Variants in RFX4 observed in about 807,000 individuals in gnomAD.
The protein encoded by RFX4 is regulatory factor X4, also known as transcription factor RFX4.
In RFX4, 10 loss-of-function variants were observed where a neutral mutation model predicts 95.0. The ratio of observed to expected loss-of-function variants is 0.11; its 90% CI spans 0.06 to 0.18. The LOEUF (loss-of-function observed/expected upper bound fraction) is 0.18. RFX4 is among the 10% of genes least tolerant of loss of function. The probability of loss-of-function intolerance (pLI) is 1.00; values close to 1 mark genes in which losing one functional copy is unlikely to be tolerated. For missense variants in RFX4, 640 were observed against 922.0 expected (o/e 0.69, Z 3.96); for synonymous variants, 321 against 340.7 (o/e 0.94, Z 0.64).
At chr12:106,623,543 ATGTTGTGTGGTTCAC>A (rs2040228618) in intron 2 of RFX4, among the ~76,000 whole-genome samples, 1 of 151,862 alleles carries the variant, frequency 6.6e-6, no homozygotes, top group Non-Finnish European at 1.5e-5. Context: ...GAAGGCAGAA[ATGTTGTGTGGTTCAC>A]TGTTGTAACC....
intron 13 of RFX4, among the ~76,000 whole-genome samples, chr12:106,726,580 T>C (rs962686663): frequency 6.6e-6 from 1 of 152,250 alleles, no homozygotes; most frequent in Non-Finnish European, 1.5e-5. Flanking sequence ...TCCTTGAAGA[T>C]TCTCTTCTCA....
chr12:106,604,243 C>A (rs1389835764), intron 1 of RFX4, among the ~76,000 whole-genome samples: 2 of 151,650 alleles, frequency 1.3e-5, no homozygotes, highest in African/African-American at 4.8e-5. Flanking sequence ...GCCTCAGCCT[C>A]CTGCGTAGCT....
chr12:106,671,958 G>A (rs1488101013), intron 4 of RFX4, among the ~76,000 whole-genome samples: 3 of 151,994 alleles, frequency 2.0e-5, no homozygotes, highest in Admixed American at 1.3e-4. Flanking sequence ...CACCACACCC[G>A]GCCTCCAGTG....
intron 17 of RFX4, among the ~76,000 whole-genome samples, chr12:106,754,650 T>C (rs545035414): frequency 1.3e-5 from 2 of 152,320 alleles, no homozygotes; most frequent in Admixed American, 1.3e-4. Context: ...GAGGTCCTGC[T>C]CTGGAAGCCA....
At chr12:106,704,171 T>C (rs1475715233) in intron 8 of RFX4, among the ~76,000 whole-genome samples, 2 of 144,700 alleles carry the variant, frequency 1.4e-5, no homozygotes, top group Admixed American at 1.4e-4. Flanking sequence ...AAAACCACAA[T>C]ATTCATTCAT....
rs1455630293 is a variant in RFX4, at chr12:106,586,847, C to G, written c.43+3484C>G. Among the ~76,000 whole-genome samples the G allele has an allele frequency of 6.6e-6, 1 of 152,262 alleles. No homozygotes were observed. The highest frequency in any genetic ancestry group is 2.4e-5 in the African/African-American group (1 of 41,478). ...CTGGAGGGAACAGGGCCCGAGCCTC[C>G]TCCATTCTTGCCCAGGCACAGCCCT... On this transcript the variant is annotated intron_variant, in intron 1 of 17. Coordinates refer to ENST00000392842, the MANE Select transcript of RFX4 (RefSeq NM_213594.3). The surrounding 1 kb of genome is among the most constrained non-coding windows in gnomAD (Gnocchi z 5.6).
rs189663171 is a variant in RFX4 at position 106,672,390 on chromosome 12, G to A, written c.316-9603G>A. ...GCCCAGGCTGAAAGAGAGAAGGGTG[G>A]GATTCATGAGTAATTAAAGGGAATT... On this transcript the variant is annotated intron_variant, in intron 4 of 17. Coordinates refer to ENST00000392842, the MANE Select transcript of RFX4 (RefSeq NM_213594.3). 4.2e-3 allele frequency among the ~76,000 whole-genome samples: 642 copies of A among 152,254 alleles called. 4 individuals are homozygous for A. Among genetic ancestry groups the A allele is most frequent in the African/African-American group, 0.015 (624 of 41,550 alleles).
chr12:106,616,990 G>A (rs1221284228), intron 2 of RFX4, among the ~76,000 whole-genome samples: 4 of 151,554 alleles, frequency 2.6e-5, no homozygotes, highest in African/African-American at 9.7e-5. Flanking sequence ...GGTTGGTCTC[G>A]AACTCCTGGC....
At chr12:106,678,523 G>C (rs1417727788) in intron 4 of RFX4, among the ~76,000 whole-genome samples, 1 of 152,208 alleles carries the variant, frequency 6.6e-6, no homozygotes, top group Non-Finnish European at 1.5e-5. Context: ...CACTCTGGTA[G>C]ATTTTAGGTG....
At chr12:106,760,450 C>T (rs1176108924) in intron 17 of RFX4, among the ~76,000 whole-genome samples, 2 of 152,156 alleles carry the variant, frequency 1.3e-5, no homozygotes. Flanking sequence ...GCTACTAACA[C>T]CTGTTCCTCT....
intron 15 of RFX4, among the ~76,000 whole-genome samples, chr12:106,737,488 G>A (rs1028858661): frequency 3.3e-5 from 5 of 151,498 alleles, no homozygotes; most frequent in African/African-American, 1.2e-4. Context: ...TGAAGGAGAG[G>A]GGAGAAAAGG....
intron 8 of RFX4, among the ~76,000 whole-genome samples, chr12:106,703,658 CA>C (rs1306507605): frequency 6.6e-6 from 1 of 152,196 alleles, no homozygotes; most frequent in East Asian, 1.9e-4. Flanking sequence ...CACACATACA[CA>C]TGGCATTTGC....
intron 17 of RFX4, among the ~76,000 whole-genome samples, chr12:106,751,941 A>G (rs1371953956): frequency 2.0e-4 from 28 of 141,488 alleles, no homozygotes; most frequent in Admixed American, 2.8e-4. Context: ...CTTTAGTTTA[A>G]TTAGATCCCA....
At chr12:106,645,346 C>T (rs117867847) in intron 3 of RFX4, among the ~76,000 whole-genome samples, 2,835 of 151,764 alleles carry the variant, frequency 0.019, 51 homozygotes, top group Non-Finnish European at 0.026. Flanking sequence ...ACACATGCCC[C>T]CTCCGTGCCC....
chr12:106,654,509 C>G (rs1295544146), intron 4 of RFX4, among the ~76,000 whole-genome samples, 158 bp downstream of exon 4: 3 of 152,170 alleles, frequency 2.0e-5, no homozygotes, highest in African/African-American at 4.8e-5. Context: ...ACTTTGCTAT[C>G]AAAATTTCAA....
intron 10 of RFX4, chr12:106,715,113 G>A: frequency 7.2e-6 from 2 of 279,566 alleles, no homozygotes; most frequent in Non-Finnish European, 6.9e-6. Flanking sequence ...TGTTCCATGG[G>A]GTCAAGACCA....
At chr12:106,655,217 C>G (rs1314867481) in intron 4 of RFX4, among the ~76,000 whole-genome samples, 1 of 152,102 alleles carries the variant, frequency 6.6e-6, no homozygotes, top group Admixed American at 6.6e-5. Flanking sequence ...AGCCAGCCAC[C>G]CTGGAGAGCC....
chr12:106,601,494 C>T (rs1346016620), intron 1 of RFX4: 1 of 713,268 alleles, frequency 1.4e-6, no homozygotes. Context: ...TAAAATAGGC[C>T]TCAGCACAGT....
chr12:106,616,838 T>A (rs890879808), intron 2 of RFX4, among the ~76,000 whole-genome samples: 5 of 152,106 alleles, frequency 3.3e-5, no homozygotes, highest in Admixed American at 1.3e-4. Context: ...TCAGCTCACT[T>A]TAACCTCTGC....
Sources: allele counts gnomAD v4.1 joint callset (sites outside exome capture counted in the v4.1 genomes callset), GRCh38; gene constraint gnomAD v4.1.1; non-coding constraint Gnocchi (gnomAD v3.1); transcripts MANE v1.5; gene names NCBI Gene and HGNC (gene_info 2026-07-23, HGNC 2026-07-21).